Variants in SUCLG2 observed in about 807,000 individuals in gnomAD.
The protein encoded by SUCLG2 is succinate--CoA ligase [GDP-forming] subunit beta, mitochondrial.
Under a neutral mutation model 47.9 loss-of-function variants are expected in SUCLG2, and 42 were observed. The observed-to-expected ratio is 0.88, with a 90% confidence interval of 0.69 to 1.14. The LOEUF is 1.14. Ranked by LOEUF, SUCLG2 falls within the 50% of genes most tolerant of loss-of-function variation. SUCLG2 has a pLI of 0.00. For synonymous variants in SUCLG2, 195 were observed against 197.3 expected (o/e 0.99, Z 0.10); for missense variants, 571 against 525.9 (o/e 1.09, Z -0.84).
intron 9 of SUCLG2, among the ~76,000 whole-genome samples, chr3:67,494,703 T>A (rs954534439): frequency 1.3e-5 from 2 of 152,144 alleles, no homozygotes; most frequent in African/African-American, 2.4e-5. Flanking sequence ...CACAGGCCTG[T>A]TAAAAGAATG....
chr3:67,459,178 A>G (rs1344406456), intron 9 of SUCLG2, among the ~76,000 whole-genome samples: 1 of 152,176 alleles, frequency 6.6e-6, no homozygotes, highest in Non-Finnish European at 1.5e-5. Context: ...TCACAGTTTT[A>G]CGTTTTCCTC....
At chr3:67,548,359 C>G (rs1326717469) in intron 2 of SUCLG2, among the ~76,000 whole-genome samples, 1 of 152,214 alleles carries the variant, frequency 6.6e-6, no homozygotes, top group African/African-American at 2.4e-5. Context: ...AGATCTACAA[C>G]TGTTCACATT....
At chr3:67,371,751 C>G (rs187559637), downstream of SUCLG2, among the ~76,000 whole-genome samples, 2 of 152,262 alleles carry the variant, frequency 1.3e-5, no homozygotes, top group South Asian at 2.1e-4. Context: ...AGTGGCATAA[C>G]CTTAGTGAAT....
intron 2 of SUCLG2, among the ~76,000 whole-genome samples, chr3:67,531,115 A>T (rs1389618665): frequency 6.6e-6 from 1 of 152,230 alleles, no homozygotes; most frequent in Admixed American, 6.5e-5. Flanking sequence ...GAAATACAGT[A>T]AAGTGCCTGG....
intron 2 of SUCLG2, among the ~76,000 whole-genome samples, chr3:67,531,880 A>G (rs1706414690): frequency 6.6e-6 from 1 of 152,184 alleles, no homozygotes; most frequent in South Asian, 2.1e-4. Context: ...CTCTTCATTC[A>G]GTATTTACCA....
At chr3:67,592,266 G>T (rs750130743) in intron 2 of SUCLG2, among the ~76,000 whole-genome samples, 1 of 152,172 alleles carries the variant, frequency 6.6e-6, no homozygotes, top group Non-Finnish European at 1.5e-5. Context: ...CTTGACACTT[G>T]ATCAGCCAGC....
chr3:67,475,454 C>T (rs1203450839), intron 9 of SUCLG2, among the ~76,000 whole-genome samples: 1 of 152,160 alleles, frequency 6.6e-6, no homozygotes, highest in Non-Finnish European at 1.5e-5. Flanking sequence ...AAGAGGCAGG[C>T]ACTCAAGGGG....
chr3:67,484,826 G>C (rs888056846), intron 9 of SUCLG2, among the ~76,000 whole-genome samples: 1 of 152,208 alleles, frequency 6.6e-6, no homozygotes. Context: ...GCTTAATTTA[G>C]AAGTTCACCT....
At chr3:67,397,339 A>G (rs1424772123) in intron 10 of SUCLG2, among the ~76,000 whole-genome samples, 1 of 151,392 alleles carries the variant, frequency 6.6e-6, no homozygotes, top group Non-Finnish European at 1.5e-5. Flanking sequence ...AGGATACAAA[A>G]TCAATGTACA....
chr3:67,484,451 G>A (rs1705000152), intron 9 of SUCLG2, among the ~76,000 whole-genome samples: 1 of 152,212 alleles, frequency 6.6e-6, no homozygotes, highest in Non-Finnish European at 1.5e-5. Flanking sequence ...GTTCTAAAAA[G>A]ATATTTTTGG....
At chr3:67,395,237 A>C (rs927948805) in intron 10 of SUCLG2, among the ~76,000 whole-genome samples, 6 of 152,294 alleles carry the variant, frequency 3.9e-5, no homozygotes, top group South Asian at 4.1e-4. Context: ...CAAATTGGAT[A>C]AAGAGTCAAG....
At position 67,630,809 on chromosome 3, in the gene SUCLG2, G is replaced by A. The variant is rs202132672; in HGVS notation, c.85-21213C>T. 3.3e-5 allele frequency among the ~76,000 whole-genome samples: 5 copies of A among 152,286 alleles called. No individual in the cohort carries two copies. The East Asian group carries it at 9.7e-4, about 29-fold the overall frequency. ...AATACAAGGTGAACCTACTTGCCTA[G>A]AATACTAAACTTTAATCAACTGTCC... On this transcript the variant is annotated intron_variant, in intron 1 of 10. Transcript: ENST00000307227.
intron 9 of SUCLG2, among the ~76,000 whole-genome samples, chr3:67,410,002 C>A (rs1170439785): frequency 6.6e-6 from 1 of 152,102 alleles, no homozygotes; most frequent in African/African-American, 2.4e-5. Context: ...ATCTTCTGGT[C>A]AAATAATTTG....
intron 1 of SUCLG2, among the ~76,000 whole-genome samples, chr3:67,613,145 G>A (rs1049828610): frequency 7.2e-5 from 11 of 152,108 alleles, no homozygotes; most frequent in African/African-American, 2.7e-4. Context: ...TACCTCATTA[G>A]CCATTGGCGA....
At chr3:67,402,663 T>C (rs1398517164) in intron 9 of SUCLG2, among the ~76,000 whole-genome samples, 5 of 152,190 alleles carry the variant, frequency 3.3e-5, no homozygotes, top group Admixed American at 2.6e-4. Context: ...ATGGGGTCCA[T>C]GATAGAAACT....
intron 9 of SUCLG2, among the ~76,000 whole-genome samples, chr3:67,402,698 G>T (rs1004650488): frequency 2.6e-5 from 4 of 152,230 alleles, no homozygotes; most frequent in Non-Finnish European, 5.9e-5. Flanking sequence ...GCTCAGTAAG[G>T]TTTGTGCAGA....
intron 9 of SUCLG2, among the ~76,000 whole-genome samples, chr3:67,456,736 A>G (rs1704195610): frequency 6.6e-6 from 1 of 152,226 alleles, no homozygotes; most frequent in African/African-American, 2.4e-5. Flanking sequence ...GCAAAAATAC[A>G]TCACGGTATC....
rs1432001424 is a variant in SUCLG2 at position 67,520,623 on chromosome 3, A to G, written c.429T>C (p.Ala143=). The change falls in exon 5 of 11, where the codon GCT becomes GCC. Residue 143 remains alanine (A), a synonymous_variant. Coordinates refer to ENST00000307227, the MANE Select transcript of SUCLG2 (RefSeq NM_003848.4). ...EGVKVNKVMV[A]EALDISRETY... ...TTTCTCTGGAAATATCCAAGGCTTC[A>G]GCAACCATCACCTACCACATTAGTG... The G allele has an allele frequency of 6.2e-7, 1 of 1,611,934 alleles. No homozygotes were observed. Among genetic ancestry groups the G allele is most frequent in the Admixed American group, 1.7e-5 (1 of 59,556 alleles).
chr3:67,373,001 C>A (rs180686503), downstream of SUCLG2, among the ~76,000 whole-genome samples: 85 of 152,230 alleles, frequency 5.6e-4, no homozygotes, highest in East Asian at 0.014. Flanking sequence ...ACTTAATTTA[C>A]TAAAATAGGC....
Sources: allele counts gnomAD v4.1 joint callset (sites outside exome capture counted in the v4.1 genomes callset), GRCh38; gene constraint gnomAD v4.1.1; transcripts MANE v1.5; gene names NCBI Gene and HGNC (gene_info 2026-07-23, HGNC 2026-07-21).